Variants in BCORL1 observed in about 807,000 individuals in gnomAD.
BCORL1 encodes BCL6 corepressor like 1.
A neutral mutation model predicts 87.6 loss-of-function variants in BCORL1; 7 were observed. The observed-to-expected ratio is 0.08, with a 90% CI of 0.05 to 0.15. The LOEUF (loss-of-function observed/expected upper bound fraction) is 0.15. Among genes scored for constraint, BCORL1 ranks in the 10% least tolerant of loss-of-function variants. The pLI, the probability that BCORL1 is intolerant of heterozygous loss-of-function variation, is 1.00. For synonymous variants in BCORL1, 591 were observed against 634.4 expected, an observed-to-expected ratio of 0.93 and a Z score of 1.03; for missense variants, 1,215 against 1,499.7, an observed-to-expected ratio of 0.81 and a Z score of 3.13.
rs1221402807 is a variant in BCORL1 at position 130,016,005 on chromosome X, G to C, written c.3233G>C (p.Gly1078Ala). The change falls in exon 4 of 14, where the codon GGC (glycine) becomes GCC (alanine). Residue 1078 changes from glycine to alanine, a missense_variant. Gly to Ala is a moderately conservative substitution (Grantham distance 60). This residue lies in a region of BCORL1 where 861 missense variants were observed against 1,010.0 expected (regional missense o/e 0.85). Coordinates refer to ENST00000540052, the MANE Select transcript of BCORL1 (RefSeq NM_001379451.1). ...ADGLPVAPQRGQAEVRAKAGQ... is the reference protein window; with the variant it reads ...ADGLPVAPQRAQAEVRAKAGQ... ...GGCCTCCCAGTGGCTCCCCAGAGGG[G>C]CCAAGCTGAAGTTCGGGCTAAGGCC... The C allele has an allele frequency of 1.7e-6, 2 of 1,211,984 alleles. No individual in the cohort carries two copies. Among genetic ancestry groups the C allele is most frequent in the Non-Finnish European group, 2.2e-6 (2 of 895,612 alleles).
At chrX:130,035,153 T>TCA (rs2124524506) in intron 9 of BCORL1, among the ~76,000 whole-genome samples, 1 of 111,999 alleles carries the variant, frequency 8.9e-6, no homozygotes, top group Non-Finnish European at 1.9e-5. Context: ...AGCTGGCATT[T>TCA]ATTGAGCACT....
chrX:130,053,030 C>T (rs929288620), intron 13 of BCORL1, among the ~76,000 whole-genome samples: 8 of 111,548 alleles, frequency 7.2e-5, no homozygotes, highest in South Asian at 3.7e-4. Flanking sequence ...ATCCCAGTTA[C>T]GAGGGAAGCT....
intron 7 of BCORL1, among the ~76,000 whole-genome samples, chrX:130,027,669 A>G (rs1483583308): frequency 8.9e-6 from 1 of 112,692 alleles, no homozygotes; most frequent in Non-Finnish European, 1.9e-5. Context: ...CTTACTTGTT[A>G]TAACACTTTT....
chrX:130,012,298 C>A (rs1034537376), intron 2 of BCORL1, among the ~76,000 whole-genome samples: 3 of 111,232 alleles, frequency 2.7e-5, no homozygotes, highest in Admixed American at 1.9e-4. Context: ...GCTAGGGTGT[C>A]CACACTCCTG....
intron 11 of BCORL1, among the ~76,000 whole-genome samples, chrX:130,046,024 A>G (rs751119257): frequency 8.1e-5 from 9 of 111,685 alleles, no homozygotes; most frequent in Admixed American, 2.9e-4. Context: ...GCTCACACCT[A>G]TAATCCCAGC....
chrX:130,016,248 G>C, intron 4 of BCORL1, 35 bp downstream of exon 4: 1 of 1,154,629 alleles, frequency 8.7e-7, no homozygotes, highest in Non-Finnish European at 1.2e-6. Context: ...GTGGGGCCGA[G>C]ATGCCGCTGG....
At chrX:130,021,385 A>C in intron 5 of BCORL1, 1 of 527,162 alleles carries the variant, frequency 1.9e-6, no homozygotes, top group Middle Eastern at 1.2e-3. Context: ...TGGTTTTCCG[A>C]CACAAACACC....
intron 11 of BCORL1, among the ~76,000 whole-genome samples, chrX:130,041,278 C>CAAAAAA (rs56172113): frequency 5.9e-5 from 2 of 33,713 alleles, no homozygotes; most frequent in Non-Finnish European, 1.2e-4. Flanking sequence ...GACAGTGTCT[C>CAAAAAA]AAAAAAAAAA....
chrX:130,012,950 G>A lies in BCORL1; in HGVS notation c.178G>A (p.Val60Met). 1 of 1,191,630 alleles carries A rather than the reference G, an allele frequency of 8.4e-7. No individual in the cohort carries two copies. Among genetic ancestry groups the A allele is most frequent in the Non-Finnish European group, 1.1e-6 (1 of 882,053 alleles). The change falls in exon 4 of 14, where the codon GTG becomes ATG. Residue 60 changes from valine (V) to methionine (M), a missense_variant and splice_region_variant. By Grantham distance (21) the Val-to-Met change is conservative. Transcript: ENST00000540052. ...EFCVSSSFSK[V>M]ELTAVGSGSN... is the part of the protein sequence containing the mutation. ...TGTGCATGCTATCCTGTCGTTGCAG[G>A]TGGAGCTCACGGCAGTTGGAAGTGG...
rs749830099 is a variant in BCORL1 at position 130,014,679 on chromosome X, C to T, written c.1907C>T (p.Pro636Leu). ...SKSNRQKLPL[P>L]NQRKTPPMPV... ...TCCAACCGCCAGAAGCTTCCATTGC[C>T]GAACCAGCGCAAGACACCCCCCATG... is the stretch of plus-strand genomic sequence containing the variant. Residue 636 changes from proline to leucine, a missense_variant, in exon 4 of 14, where the codon CCG becomes CTG. Pro to Leu is a moderately conservative substitution (Grantham distance 98). Around this residue, in one of 5 missense-constraint regions of BCORL1, gnomAD observed 861 missense variants for 1,010.0 expected, o/e 0.85. Transcript: ENST00000540052. The T allele has an allele frequency of 6.6e-6, 8 of 1,211,256 alleles. No individual in the cohort carries two copies. Among genetic ancestry groups the T allele is most frequent in the East Asian group, 3.0e-5 (1 of 33,813 alleles).
intron 11 of BCORL1, among the ~76,000 whole-genome samples, 173 bp from the exon 12 acceptor site, chrX:130,050,544 T>G (rs1483451887): frequency 9.0e-6 from 1 of 111,370 alleles, no homozygotes; most frequent in Non-Finnish European, 1.9e-5. Context: ...GTCCCCTTGT[T>G]GGCAGTCTCT....
chrX:130,006,178 A>T (rs916837027), intron 2 of BCORL1, among the ~76,000 whole-genome samples: 2 of 110,823 alleles, frequency 1.8e-5, no homozygotes, highest in Non-Finnish European at 3.8e-5. Context: ...AGAGTTGGTG[A>T]CACCTGCCTC....
chrX:130,020,891 C>T, intron 4 of BCORL1, 94 bp from the exon 5 acceptor site: 1 of 997,788 alleles, frequency 1.0e-6, no homozygotes, highest in Non-Finnish European at 1.3e-6. Flanking sequence ...CAGCTCATGC[C>T]TCTAGGTCAG....
At chrX:130,050,641 G>T in intron 11 of BCORL1, 76 bp from the exon 12 acceptor site, 1 of 879,117 alleles carries the variant, frequency 1.1e-6, no homozygotes, top group South Asian at 2.0e-5. Flanking sequence ...CCTTAGCCCC[G>T]TATGCATGGA....
At chrX:130,021,657 C>T (rs1929826959) in intron 5 of BCORL1, among the ~76,000 whole-genome samples, 1 of 111,776 alleles carries the variant, frequency 8.9e-6, no homozygotes. Context: ...TGTCCCTAAC[C>T]TGTCCGTTTT....
At chrX:129,984,798 C>A (rs1926466683) in intron 1 of BCORL1, among the ~76,000 whole-genome samples, 1 of 111,945 alleles carries the variant, frequency 8.9e-6, no homozygotes, top group Admixed American at 9.4e-5. Flanking sequence ...TCCGCTCGCA[C>A]CTCCTCCCTC....
At chrX:130,040,682 G>T (rs1166453432) in intron 11 of BCORL1, among the ~76,000 whole-genome samples, 1 of 112,707 alleles carries the variant, frequency 8.9e-6, no homozygotes, top group Non-Finnish European at 1.9e-5. Flanking sequence ...AGTGGTGACT[G>T]TTGTTCCCCT....
intron 5 of BCORL1, among the ~76,000 whole-genome samples, chrX:130,022,236 C>CTTTTTTTTTTTTTTTT (rs34598574): frequency 3.6e-5 from 2 of 56,335 alleles, no homozygotes; most frequent in African/African-American, 7.5e-5. Flanking sequence ...TTCTTTCTTT[C>CTTTTTTTTTTTTTTTT]TTTTTTTTTT....
chrX:129,996,383 T>A (rs1357259886), intron 1 of BCORL1, among the ~76,000 whole-genome samples: 1 of 111,245 alleles, frequency 9.0e-6, no homozygotes, highest in Admixed American at 9.6e-5. Context: ...AAAAGGAGCC[T>A]GGGGGAGCAG....
Sources: gnomAD v4.1 joint callset for allele counts (sites outside exome capture counted in the v4.1 genomes callset) on GRCh38, gnomAD v4.1.1 for gene constraint, gnomAD v4.1.1 regional missense constraint, MANE v1.5 for transcripts, NCBI Gene and HGNC (gene_info 2026-07-23, HGNC 2026-07-21) for gene names.